Variants in POT1 observed in about 807,000 individuals in gnomAD.
POT1 encodes protection of telomeres 1.
Under a neutral mutation model 78.5 loss-of-function variants are expected in POT1, and 47 were observed. The ratio of observed to expected loss-of-function variants is 0.60; its 90% CI spans 0.47 to 0.76. The LOEUF (loss-of-function observed/expected upper bound fraction) is 0.76. POT1 is among the 30% of genes least tolerant of loss of function. POT1 has a pLI of 0.00. For synonymous variants in POT1, 259 were observed against 260.7 expected (o/e 0.99, Z 0.06); for missense variants, 646 against 749.9 (o/e 0.86, Z 1.62).
chr7:124,920,909 C>T (rs1411847090), intron 2 of POT1, among the ~76,000 whole-genome samples: 12 of 151,962 alleles, frequency 7.9e-5, no homozygotes, highest in South Asian at 4.2e-4. Context: ...CTGGGCAACA[C>T]AGAAAGATCC....
chr7:124,829,685 TTC>T (rs1459284305), intron 15 of POT1, among the ~76,000 whole-genome samples: 14 of 149,500 alleles, frequency 9.4e-5, no homozygotes, highest in African/African-American at 3.2e-4. Context: ...TCTCTAAGAA[TTC>T]TCTGATTCTA....
At chr7:124,830,414 C>A (rs1342226092) in intron 15 of POT1, among the ~76,000 whole-genome samples, 1 of 152,124 alleles carries the variant, frequency 6.6e-6, no homozygotes, top group African/African-American at 2.4e-5. Context: ...AGGGTAACCA[C>A]ATTACATCTT....
rs759868783 is a variant in POT1 at position 124,822,497 on chromosome 7, C to T, written c.*1465G>A. Reference sequence around the variant, plus strand: ...TGTTAACGTGGAGATCTTGCAGGCTCACAGTGTGAACATATGGCACCTTTG... The same window carrying T: ...TGTTAACGTGGAGATCTTGCAGGCTTACAGTGTGAACATATGGCACCTTTG... On this transcript the variant is annotated 3_prime_UTR_variant, in exon 19 of 19. Transcript: ENST00000357628. The T allele has an allele frequency of 2.2e-6, 1 of 451,212 alleles. No individual in the cohort carries two copies. The allele number at this position is 451,212 out of a possible 1,614,324, so 28.0% of individuals were successfully genotyped here.
At chr7:124,831,050 G>A (rs1012093778) in intron 15 of POT1, among the ~76,000 whole-genome samples, 3 of 152,086 alleles carry the variant, frequency 2.0e-5, no homozygotes, top group Non-Finnish European at 2.9e-5. Flanking sequence ...TGATAAACAC[G>A]GGGGCTGCTT....
intron 6 of POT1, among the ~76,000 whole-genome samples, chr7:124,884,296 C>T (rs1204030970): frequency 6.6e-6 from 1 of 151,882 alleles, no homozygotes; most frequent in Non-Finnish European, 1.5e-5. Flanking sequence ...TAAAAGCAAA[C>T]AAAACTGACA....
chr7:124,882,302 T>C (rs563710846), intron 6 of POT1, among the ~76,000 whole-genome samples: 227 of 152,126 alleles, frequency 1.5e-3, no homozygotes, highest in African/African-American at 5.2e-3. Context: ...AAGTATATCA[T>C]TAAAACATTC....
chr7:124,840,121 C>T (rs759180259), intron 14 of POT1, among the ~76,000 whole-genome samples: 5 of 151,838 alleles, frequency 3.3e-5, no homozygotes, highest in African/African-American at 9.7e-5. Context: ...CCTCTACCAG[C>T]GTGGTACATT....
intron 6 of POT1, among the ~76,000 whole-genome samples, chr7:124,884,098 C>G (rs959663221): frequency 6.6e-6 from 1 of 151,920 alleles, no homozygotes; most frequent in Non-Finnish European, 1.5e-5. Context: ...ATTGCTAACA[C>G]AAAACCAAAA....
At chr7:124,825,489 AT>A in intron 17 of POT1, 132 bp from the exon 18 acceptor site, 1 of 528,340 alleles carries the variant, frequency 1.9e-6, no homozygotes, top group Non-Finnish European at 3.2e-6. Flanking sequence ...AGATTGTAGA[AT>A]TCATAAACTA....
chr7:124,914,851 T>G (rs1040898024), intron 3 of POT1, among the ~76,000 whole-genome samples: 1 of 152,198 alleles, frequency 6.6e-6, no homozygotes, highest in Non-Finnish European at 1.5e-5. Context: ...ACTAATCTCA[T>G]GCATATACAG....
intron 12 of POT1, among the ~76,000 whole-genome samples, chr7:124,843,886 G>A (rs1795092189): frequency 1.3e-5 from 2 of 152,146 alleles, no homozygotes; most frequent in African/African-American, 4.8e-5. Flanking sequence ...GGCCAAGAAG[G>A]ACAGAAGTTT....
At chr7:124,890,061 C>T (rs6956638) in intron 6 of POT1, among the ~76,000 whole-genome samples, 91,251 of 151,718 alleles carry the variant, frequency 0.6, 27,563 homozygotes, top group African/African-American at 0.65. Flanking sequence ...AATTAAAAAC[C>T]TAGAAAGTAT....
At chr7:124,920,128 T>C (rs897866146) in intron 2 of POT1, among the ~76,000 whole-genome samples, 2 of 152,124 alleles carry the variant, frequency 1.3e-5, no homozygotes, top group African/African-American at 4.8e-5. Flanking sequence ...TATGTTCAGA[T>C]AAAAATCTGT....
chr7:124,909,295 A>C (rs1169906828), intron 3 of POT1, among the ~76,000 whole-genome samples: 1 of 151,934 alleles, frequency 6.6e-6, no homozygotes, highest in Non-Finnish European at 1.5e-5. Context: ...ATTTCTGCAA[A>C]ATATATCACA....
intron 14 of POT1, 75 bp downstream of exon 14, chr7:124,840,898 T>G (rs985284197): frequency 1.7e-6 from 2 of 1,200,646 alleles, no homozygotes; most frequent in African/African-American, 3.1e-5. Flanking sequence ...GTCTGTAAAA[T>G]GTATTAAACA....
At chr7:124,857,863 A>C (rs1445758084) in intron 9 of POT1, among the ~76,000 whole-genome samples, 1 of 152,154 alleles carries the variant, frequency 6.6e-6, no homozygotes, top group South Asian at 2.1e-4. Flanking sequence ...GTTAACACTT[A>C]AGCTGTCCAT....
chr7:124,907,365 T>C (rs1796789909), intron 3 of POT1, among the ~76,000 whole-genome samples: 1 of 151,906 alleles, frequency 6.6e-6, no homozygotes, highest in African/African-American at 2.4e-5. Flanking sequence ...AGAAGAAAAA[T>C]GAAGTCAGTA....
chr7:124,893,626 C>T (rs4377885), intron 5 of POT1, among the ~76,000 whole-genome samples: 90,866 of 151,164 alleles, frequency 0.6, 27,441 homozygotes, highest in African/African-American at 0.65. Context: ...GAGAACGAGT[C>T]TGCTGATATC....
At chr7:124,861,587 C>A (rs1371451874) in intron 8 of POT1, among the ~76,000 whole-genome samples, 1 of 152,146 alleles carries the variant, frequency 6.6e-6, no homozygotes, top group Non-Finnish European at 1.5e-5. Context: ...TCTTGCTGTG[C>A]AGAAGCTCTT....
Sources: gnomAD v4.1 joint callset for allele counts (sites outside exome capture counted in the v4.1 genomes callset) on GRCh38, gnomAD v4.1.1 for gene constraint, MANE v1.5 for transcripts, NCBI Gene and HGNC (gene_info 2026-07-23, HGNC 2026-07-21) for gene names.